AFTPH: variants seen among roughly 807,000 people sequenced by gnomAD.
The protein encoded by AFTPH is aftiphilin protein.
Under a neutral mutation model 72.5 loss-of-function variants are expected in AFTPH, and 7 were observed. The ratio of observed to expected loss-of-function variants is 0.10; its 90% CI spans 0.05 to 0.18. The LOEUF is 0.18. AFTPH is among the 10% of genes least tolerant of loss of function. AFTPH has a pLI of 1.00. For missense variants in AFTPH, 979 were observed against 1,060.5 expected, an observed-to-expected ratio of 0.92 and a Z score of 1.07; for synonymous variants, 337 against 370.1, an observed-to-expected ratio of 0.91 and a Z score of 1.03.
At chr2:64,589,209 A>T (rs970367667) in intron 8 of AFTPH, among the ~76,000 whole-genome samples, 1 of 152,210 alleles carries the variant, frequency 6.6e-6, no homozygotes, top group African/African-American at 2.4e-5. Flanking sequence ...TCCATTTTGA[A>T]TTAATTTCTG....
rs184731105 is a variant in AFTPH, at chr2:64,545,894, C to T, written c.-32-5549C>T. 3.3e-4 allele frequency among the ~76,000 whole-genome samples: 50 copies of T among 151,448 alleles called. 1 individual carries two copies. The East Asian group carries it at 5.6e-3, about 17-fold the overall frequency. ...ACGCAAGTTTTTTTTTGTTTTGTTT[C>T]GTTTTGTTTTTTTAATGGGATGGAG... On this transcript the variant is annotated intron_variant, in intron 1 of 8. Coordinates refer to ENST00000238856, the Ensembl canonical transcript of AFTPH.
chr2:64,537,386 CT>C (rs1669954928), intron 1 of AFTPH, among the ~76,000 whole-genome samples: 1 of 152,020 alleles, frequency 6.6e-6, no homozygotes, highest in Non-Finnish European at 1.5e-5. Flanking sequence ...CTCAATTTAC[CT>C]ATGTAACAAA....
At chr2:64,586,825 C>T (rs183251142) in intron 8 of AFTPH, among the ~76,000 whole-genome samples, 3 of 152,116 alleles carry the variant, frequency 2.0e-5, no homozygotes, top group South Asian at 2.1e-4. Flanking sequence ...TTCTTCAAAT[C>T]GAAACTCCTC....
At chr2:64,533,166 G>T (rs1572939896) in intron 1 of AFTPH, among the ~76,000 whole-genome samples, 1 of 152,106 alleles carries the variant, frequency 6.6e-6, no homozygotes, top group Admixed American at 6.6e-5. Context: ...GAGAGGCCAA[G>T]GTGGGTGGAT....
intron 7 of AFTPH, 117 bp downstream of exon 7, chr2:64,579,663 T>G (rs912105145): frequency 2.2e-6 from 2 of 904,160 alleles, no homozygotes; most frequent in African/African-American, 3.3e-5. Flanking sequence ...ATTCTTATCT[T>G]TGGAAATTCA....
chr2:64,527,545 A>C (rs972393736), intron 1 of AFTPH, among the ~76,000 whole-genome samples: 6 of 150,962 alleles, frequency 4.0e-5, no homozygotes, highest in Non-Finnish European at 5.9e-5. Context: ...ATGCCAGTGC[A>C]CTCCAGCCTG....
chr2:64,545,788 C>T (rs1358547749), intron 1 of AFTPH, among the ~76,000 whole-genome samples: 1 of 151,768 alleles, frequency 6.6e-6, no homozygotes. Flanking sequence ...GGAGTGGGGG[C>T]AGTTCTGTGT....
At chr2:64,579,292 G>A (rs996208740) in intron 6 of AFTPH, among the ~76,000 whole-genome samples, 194 bp from the exon 7 acceptor site, 7 of 152,080 alleles carry the variant, frequency 4.6e-5, no homozygotes, top group Non-Finnish European at 1.0e-4. Context: ...TCAATAACCT[G>A]TACTGTTTGT....
At chr2:64,591,019 C>T (rs560474556) in intron 8 of AFTPH, among the ~76,000 whole-genome samples, 3 of 152,280 alleles carry the variant, frequency 2.0e-5, no homozygotes, top group South Asian at 2.1e-4. Context: ...TGGTCTAAAG[C>T]GAATAATATG....
chr2:64,532,668 G>C (rs1231994834), intron 1 of AFTPH, among the ~76,000 whole-genome samples: 1 of 152,212 alleles, frequency 6.6e-6, no homozygotes, highest in Non-Finnish European at 1.5e-5. Flanking sequence ...TTCTTGTTAA[G>C]CTCAGTTTGA....
At chr2:64,568,314 T>C (rs1004371653) in intron 3 of AFTPH, among the ~76,000 whole-genome samples, 1 of 152,144 alleles carries the variant, frequency 6.6e-6, no homozygotes, top group Admixed American at 6.5e-5. Flanking sequence ...AAGCCACTGT[T>C]TTCTTTATAG....
At chr2:64,584,487 A>T (rs1018534130) in intron 7 of AFTPH, among the ~76,000 whole-genome samples, 1 of 152,186 alleles carries the variant, frequency 6.6e-6, no homozygotes, top group African/African-American at 2.4e-5. Context: ...CATTTTGTTC[A>T]AAAGTAGTAC....
chr2:64,575,548 TTGAGGCTG>T, intron 6 of AFTPH, among the ~76,000 whole-genome samples: 1 of 152,136 alleles, frequency 6.6e-6, no homozygotes, highest in Non-Finnish European at 1.5e-5. Flanking sequence ...GCTCAGAAGC[TTGAGGCTG>T]CAGTGAGCCA....
At chr2:64,560,113 G>A (rs148619917) in intron 2 of AFTPH, among the ~76,000 whole-genome samples, 180 of 152,210 alleles carry the variant, frequency 1.2e-3, no homozygotes, top group Non-Finnish European at 2.0e-3. Flanking sequence ...TAGCTTTCAG[G>A]ATTTATGGAA....
chr2:64,565,292 A>T (rs1036719173), intron 2 of AFTPH, among the ~76,000 whole-genome samples: 1 of 151,786 alleles, frequency 6.6e-6, no homozygotes, highest in Non-Finnish European at 1.5e-5. Flanking sequence ...CCTGGCTAAC[A>T]TGGTGAAACA....
chr2:64,586,522 T>C (rs984574221), intron 8 of AFTPH, among the ~76,000 whole-genome samples: 3 of 152,332 alleles, frequency 2.0e-5, no homozygotes, highest in East Asian at 3.9e-4. Context: ...GCTTGAATTA[T>C]CATATTGTCT....
exon 8 of AFTPH, chr2:64,585,522 A>G (rs148638409): frequency 2.0e-5 from 32 of 1,612,154 alleles, no homozygotes; most frequent in African/African-American, 6.7e-5. Flanking sequence ...TGTCTACAGT[A>G]GAGAAGACAA....
intron 2 of AFTPH, among the ~76,000 whole-genome samples, chr2:64,559,100 G>A (rs1057007039): frequency 6.6e-6 from 1 of 152,200 alleles, no homozygotes; most frequent in Non-Finnish European, 1.5e-5. Flanking sequence ...GTCCTTTAAA[G>A]GAGATAGGCA....
At chr2:64,540,448 T>C (rs140047246) in intron 1 of AFTPH, among the ~76,000 whole-genome samples, 4 of 152,290 alleles carry the variant, frequency 2.6e-5, no homozygotes, top group African/African-American at 9.6e-5. Context: ...TTATCTTGTT[T>C]AATTATTACA....
Sources: gnomAD v4.1 joint callset for allele counts (sites outside exome capture counted in the v4.1 genomes callset) on GRCh38, gnomAD v4.1.1 for gene constraint, MANE v1.5 for transcripts, NCBI Gene and HGNC (gene_info 2026-07-23, HGNC 2026-07-21) for gene names.